The following MECOM variants were observed in gnomAD, a reference collection of about 807,000 sequenced individuals.
MECOM encodes the protein MDS1 and EVI1 complex locus.
A neutral mutation model predicts 116.3 loss-of-function variants in MECOM; 13 were observed. The ratio of observed to expected loss-of-function variants is 0.11; its 90% CI spans 0.07 to 0.18. MECOM has a LOEUF of 0.18. MECOM is among the 10% of genes least tolerant of loss of function. MECOM has a pLI of 1.00. For synonymous variants in MECOM, 528 were observed against 535.2 expected (o/e 0.99, Z 0.19); for missense variants, 1,299 against 1,509.0 (o/e 0.86, Z 2.31).
chr3:169,551,972 G>C (rs998855203), intron 1 of MECOM, among the ~76,000 whole-genome samples: 1 of 152,076 alleles, frequency 6.6e-6, no homozygotes, highest in African/African-American at 2.4e-5. Context: ...CATACTGTGT[G>C]ATTGCATTTA....
Position 169,432,821 on chromosome 3 carries a change from A to G in MECOM, c.38-51297T>C, listed in dbSNP as rs187236429. Among the ~76,000 whole-genome samples the G allele has an allele frequency of 1.6e-3, 248 of 152,356 alleles. 3 individuals carry two copies. Among genetic ancestry groups the G allele is most frequent in the African/African-American group, 5.1e-3 (214 of 41,580 alleles). ...AAGCACAGTTAAAAGGGAAAAGGTT[A>G]AAGGCTACAGTAGATTGTTCTATTC... On this transcript the variant is annotated intron_variant, in intron 1 of 16. Transcript: ENST00000651503.
intron 1 of MECOM, among the ~76,000 whole-genome samples, chr3:169,398,964 G>T (rs942708772): frequency 3.9e-5 from 6 of 152,088 alleles, no homozygotes; most frequent in Non-Finnish European, 7.4e-5. Flanking sequence ...ATCTGTTAAG[G>T]GTTCCCACTC....
chr3:169,645,039 A>G (rs1169517665), intron 1 of MECOM, among the ~76,000 whole-genome samples: 1 of 152,166 alleles, frequency 6.6e-6, no homozygotes, highest in African/African-American at 2.4e-5. Flanking sequence ...ACTGATCTCA[A>G]CTAAACCTCC....
chr3:169,198,886 G>A (rs1418913863), intron 2 of MECOM, among the ~76,000 whole-genome samples: 1 of 151,872 alleles, frequency 6.6e-6, no homozygotes, highest in African/African-American at 2.4e-5. Flanking sequence ...TTTGGGAAGA[G>A]CAGTCAGGAA....
At chr3:169,331,496 GA>G (rs1220066244) in intron 2 of MECOM, among the ~76,000 whole-genome samples, 1 of 152,204 alleles carries the variant, frequency 6.6e-6, no homozygotes, top group South Asian at 2.1e-4. Flanking sequence ...ATAAAAACTT[GA>G]AAACAATATA....
chr3:169,229,789 A>C (rs1263473803), intron 2 of MECOM, among the ~76,000 whole-genome samples: 5 of 152,118 alleles, frequency 3.3e-5, no homozygotes, highest in Non-Finnish European at 5.9e-5. Context: ...AAAACACACT[A>C]ATATAAGAGA....
intron 1 of MECOM, among the ~76,000 whole-genome samples, chr3:169,563,456 A>G (rs111465473): frequency 8.5e-5 from 13 of 152,224 alleles, no homozygotes; most frequent in Admixed American, 6.5e-5. Flanking sequence ...TCCCTTGAAA[A>G]CATCTTTTGT....
At chr3:169,507,392 G>A (rs1755370656) in intron 1 of MECOM, among the ~76,000 whole-genome samples, 1 of 152,122 alleles carries the variant, frequency 6.6e-6, no homozygotes, top group African/African-American at 2.4e-5. Flanking sequence ...ATGGAGGCTG[G>A]TACCTCCTTC....
chr3:169,104,326 C>A (rs1724608876), intron 10 of MECOM, among the ~76,000 whole-genome samples: 1 of 152,194 alleles, frequency 6.6e-6, no homozygotes, highest in Non-Finnish European at 1.5e-5. Context: ...GTTAAAAAAT[C>A]AATCCAGAAA....
intron 1 of MECOM, among the ~76,000 whole-genome samples, chr3:169,449,963 G>C (rs1156879803): frequency 6.6e-6 from 1 of 152,098 alleles, no homozygotes; most frequent in African/African-American, 2.4e-5. Context: ...CTACAACAAA[G>C]AAACACTGGG....
chr3:169,481,292 A>T (rs1751242631), intron 1 of MECOM, among the ~76,000 whole-genome samples: 1 of 152,184 alleles, frequency 6.6e-6, no homozygotes, highest in African/African-American at 2.4e-5. Flanking sequence ...TGGCAATTTT[A>T]AAAAAGCCTC....
chr3:169,134,013 C>T (rs1214918294), intron 3 of MECOM: 15 of 1,199,802 alleles, frequency 1.3e-5, no homozygotes, highest in Admixed American at 2.3e-5. Context: ...GGTGGCTTCT[C>T]GGAAATAGTG....
At chr3:169,270,871 A>G (rs1451586543) in intron 2 of MECOM, among the ~76,000 whole-genome samples, 1 of 152,214 alleles carries the variant, frequency 6.6e-6, no homozygotes, top group African/African-American at 2.4e-5. Flanking sequence ...AGTTGAAGCT[A>G]TAAGAAAAGT....
rs1055375686 is a variant in MECOM, at chr3:169,611,207, G to A, written c.37+52129C>T. 1.3e-5 allele frequency among the ~76,000 whole-genome samples: 2 copies of A among 152,208 alleles called. No homozygotes were observed. Among genetic ancestry groups the A allele is most frequent in the African/African-American group, 2.4e-5 (1 of 41,458 alleles). ...ATACCATTCTGTCTCTTGGGAAACT[G>A]CCTCTATGATAGGCATTTGCAAATT... On this transcript the variant is annotated intron_variant, in intron 1 of 16. Transcript: ENST00000651503. This position sits in a 1 kb window ranked among gnomAD's most constrained non-coding sequence, Gnocchi z 4.1.
intron 1 of MECOM, among the ~76,000 whole-genome samples, chr3:169,433,347 A>G (rs1741954423): frequency 6.6e-6 from 1 of 152,084 alleles, no homozygotes; most frequent in Non-Finnish European, 1.5e-5. Context: ...GCACACTTGT[A>G]ATCCCAGCTA....
At chr3:169,598,139 T>G (rs1767357249) in intron 1 of MECOM, among the ~76,000 whole-genome samples, 1 of 152,190 alleles carries the variant, frequency 6.6e-6, no homozygotes, top group South Asian at 2.1e-4. Context: ...AAAAGATTCA[T>G]AATAAGGGTA....
chr3:169,628,172 GGT>G (rs1771617317), intron 1 of MECOM, among the ~76,000 whole-genome samples: 1 of 152,182 alleles, frequency 6.6e-6, no homozygotes, highest in African/African-American at 2.4e-5. Flanking sequence ...CCCACTTCTT[GGT>G]GTTCAGCTCC....
chr3:169,630,215 A>G lies in MECOM; in HGVS notation c.37+33121T>C, dbSNP rs16854234. 0.014 allele frequency among the ~76,000 whole-genome samples: 2,205 copies of G among 152,270 alleles called. 182 individuals carry two copies. The East Asian group carries it at 0.25, about 18-fold the overall frequency. ...GGGGTGAGGGAAAGCCAAACCCCGG[A>G]ACAATATCATCTCTGCTAAAGACAC... On this transcript the variant is annotated intron_variant, in intron 1 of 16. Coordinates refer to ENST00000651503, the MANE Select transcript of MECOM (RefSeq NM_004991.4).
At chr3:169,417,834 A>C (rs1578038742) in intron 1 of MECOM, among the ~76,000 whole-genome samples, 1 of 152,288 alleles carries the variant, frequency 6.6e-6, no homozygotes, top group East Asian at 1.9e-4. Context: ...GGAAATCATC[A>C]TTCTCAGCAA....
Sources: allele counts gnomAD v4.1 joint callset (sites outside exome capture counted in the v4.1 genomes callset), GRCh38; gene constraint gnomAD v4.1.1; non-coding constraint Gnocchi (gnomAD v3.1); transcripts MANE v1.5; gene names NCBI Gene and HGNC (gene_info 2026-07-23, HGNC 2026-07-21).